The following NR3C2 variants were observed in gnomAD, a reference collection of about 807,000 sequenced individuals.
The protein encoded by NR3C2 is mineralocorticoid receptor.
NR3C2 carries 15 observed loss-of-function variants against 86.4 expected under a neutral mutation model. The ratio of observed to expected loss-of-function variants is 0.17; its 90% CI spans 0.12 to 0.27. The LOEUF (loss-of-function observed/expected upper bound fraction) is 0.27. NR3C2 is among the 10% of genes least tolerant of loss of function. The probability of loss-of-function intolerance (pLI) is 1.00; values close to 1 mark genes in which losing one functional copy is unlikely to be tolerated. For missense variants in NR3C2, 960 were observed against 1,195.6 expected (o/e 0.80, Z 2.91); for synonymous variants, 458 against 450.5 (o/e 1.02, Z -0.21).
intron 2 of NR3C2, among the ~76,000 whole-genome samples, chr4:148,294,231 T>C (rs1299012028): frequency 2.0e-5 from 3 of 152,196 alleles, no homozygotes; most frequent in Non-Finnish European, 2.9e-5. Flanking sequence ...ATGGGGACAG[T>C]ACTTGCTCAT....
At chr4:148,234,094 G>T (rs986920511) in intron 3 of NR3C2, among the ~76,000 whole-genome samples, 1 of 152,090 alleles carries the variant, frequency 6.6e-6, no homozygotes, top group Admixed American at 6.5e-5. Flanking sequence ...GAATAATGAT[G>T]GGGTGACCAT....
At chr4:148,103,144 G>T (rs1429241741) in intron 8 of NR3C2, among the ~76,000 whole-genome samples, 1 of 152,118 alleles carries the variant, frequency 6.6e-6, no homozygotes, top group Non-Finnish European at 1.5e-5. Context: ...CTTTTGGGTC[G>T]CAGCTAAGCA....
intron 2 of NR3C2, among the ~76,000 whole-genome samples, chr4:148,286,119 T>C (rs766669572): frequency 2.0e-5 from 3 of 152,238 alleles, no homozygotes; most frequent in African/African-American, 7.2e-5. Context: ...TAAAGTGATA[T>C]TGCAGGACAA....
intron 4 of NR3C2, among the ~76,000 whole-genome samples, chr4:148,190,177 A>G (rs4027074): frequency 0.49 from 75,200 of 151,944 alleles, 20,114 homozygotes; most frequent in African/African-American, 0.7. Flanking sequence ...ATTCAGGGCT[A>G]TGAACTTTCA....
chr4:148,370,622 C>A (rs1746370093), intron 2 of NR3C2, among the ~76,000 whole-genome samples: 1 of 151,878 alleles, frequency 6.6e-6, no homozygotes, highest in African/African-American at 2.4e-5. Context: ...TGGAGTTTCT[C>A]CAACTATGAA....
chr4:148,179,152 GT>G (rs1735532006), intron 4 of NR3C2, among the ~76,000 whole-genome samples: 2 of 151,638 alleles, frequency 1.3e-5, no homozygotes, highest in Non-Finnish European at 2.9e-5. Context: ...AGAGTTAGCA[GT>G]TGTGTATTAC....
At chr4:148,113,840 T>C (rs111538222) in intron 8 of NR3C2, among the ~76,000 whole-genome samples, 7 of 152,144 alleles carry the variant, frequency 4.6e-5, no homozygotes, top group Admixed American at 6.5e-5. Context: ...AAATGCTATA[T>C]AACCTGAATG....
chr4:148,292,424 A>C (rs1741839595), intron 2 of NR3C2, among the ~76,000 whole-genome samples: 1 of 152,158 alleles, frequency 6.6e-6, no homozygotes, highest in Admixed American at 6.5e-5. Context: ...AAAATGTAGG[A>C]TGTCATGTTA....
chr4:148,425,848 C>T (rs1749503165), intron 2 of NR3C2, among the ~76,000 whole-genome samples: 1 of 152,156 alleles, frequency 6.6e-6, no homozygotes, highest in African/African-American at 2.4e-5. Context: ...GGGCCTTAGG[C>T]AAATCACGAA....
intron 3 of NR3C2, among the ~76,000 whole-genome samples, chr4:148,198,766 A>G (rs1324616256): frequency 2.6e-5 from 4 of 151,984 alleles, no homozygotes; most frequent in African/African-American, 9.7e-5. Flanking sequence ...GGTAGTGATG[A>G]ACATTTTGTT....
At chr4:148,431,127 G>C (rs1477021359) in intron 2 of NR3C2, among the ~76,000 whole-genome samples, 1 of 152,026 alleles carries the variant, frequency 6.6e-6, no homozygotes, top group Non-Finnish European at 1.5e-5. Context: ...TAAATAAGAA[G>C]AACAAGGAAT....
chr4:148,093,641 A>C (rs1731154666), intron 8 of NR3C2, among the ~76,000 whole-genome samples: 1 of 152,216 alleles, frequency 6.6e-6, no homozygotes, highest in South Asian at 2.1e-4. Context: ...CTCAACTATA[A>C]ATACTCCAAC....
chr4:148,114,424 T>C (rs1276253511), intron 7 of NR3C2, among the ~76,000 whole-genome samples, 163 bp from the exon 8 acceptor site: 1 of 152,232 alleles, frequency 6.6e-6, no homozygotes, highest in East Asian at 1.9e-4. Flanking sequence ...CTTGTACACA[T>C]ACATACACAA....
chr4:148,397,024 T>C (rs1409922795), intron 2 of NR3C2, among the ~76,000 whole-genome samples: 2 of 152,148 alleles, frequency 1.3e-5, no homozygotes, highest in African/African-American at 4.8e-5. Flanking sequence ...TCTGGAAAAA[T>C]CAAATTTGCC....
At chr4:148,252,271 T>C (rs1416434182) in intron 3 of NR3C2, among the ~76,000 whole-genome samples, 2 of 152,178 alleles carry the variant, frequency 1.3e-5, no homozygotes, top group Non-Finnish European at 2.9e-5. Flanking sequence ...TGTTAAGAAA[T>C]AGTCAATGTT....
intron 2 of NR3C2, among the ~76,000 whole-genome samples, chr4:148,312,128 G>A (rs948008324): frequency 2.0e-5 from 3 of 152,130 alleles, no homozygotes; most frequent in African/African-American, 4.8e-5. Flanking sequence ...ATACTGGCTC[G>A]TGGAAGCCAA....
intron 4 of NR3C2, among the ~76,000 whole-genome samples, chr4:148,169,361 T>C (rs1485127980): frequency 4.6e-5 from 7 of 152,062 alleles, no homozygotes; most frequent in Non-Finnish European, 1.5e-5. Context: ...GGAGCTCCTC[T>C]CAAACAACTT....
At chr4:148,082,118 C>T (rs1239563290) in intron 8 of NR3C2, among the ~76,000 whole-genome samples, 1 of 152,238 alleles carries the variant, frequency 6.6e-6, no homozygotes, top group African/African-American at 2.4e-5. Flanking sequence ...CAGCTACTTC[C>T]TATTTCAGGC....
chr4:148,235,262 TTA>T (rs370271975), intron 3 of NR3C2, among the ~76,000 whole-genome samples: 4,400 of 143,642 alleles, frequency 0.031, 203 homozygotes, highest in African/African-American at 0.1. Flanking sequence ...TAAGTGGCAA[TTA>T]TATATATATA....
Sources: gnomAD v4.1 joint callset for allele counts (sites outside exome capture counted in the v4.1 genomes callset) on GRCh38, gnomAD v4.1.1 for gene constraint, MANE v1.5 for transcripts, NCBI Gene and HGNC (gene_info 2026-07-23, HGNC 2026-07-21) for gene names.